EYS: variants seen among roughly 807,000 people sequenced by gnomAD.
The protein encoded by EYS is protein eyes shut homolog.
A neutral mutation model predicts 282.1 loss-of-function variants in EYS; 250 were observed. The ratio of observed to expected loss-of-function variants is 0.89; its 90% CI spans 0.80 to 0.98. The LOEUF (loss-of-function observed/expected upper bound fraction) is 0.98, where lower values mean the gene tolerates loss of function less well. Ranked by LOEUF, EYS falls within the 50% of genes least tolerant of loss-of-function variation. EYS has a pLI of 0.00. For missense variants in EYS, 4,016 were observed against 3,709.0 expected, an observed-to-expected ratio of 1.08 and a Z score of -2.15; for synonymous variants, 1,355 against 1,282.9, an observed-to-expected ratio of 1.06 and a Z score of -1.20.
intron 2 of EYS, among the ~76,000 whole-genome samples, chr6:65,505,741 G>A (rs951431396): frequency 3.2e-4 from 49 of 151,950 alleles, no homozygotes; most frequent in Middle Eastern, 3.4e-3. Context: ...TTTATTCCAC[G>A]TGGCATGGGG....
At chr6:63,863,831 A>G (rs1042755535) in intron 36 of EYS, among the ~76,000 whole-genome samples, 2 of 151,664 alleles carry the variant, frequency 1.3e-5, no homozygotes, top group Non-Finnish European at 2.9e-5. Context: ...GCATGCCACC[A>G]TGCCCGGCTA....
chr6:64,135,551 A>G (rs1310810699), intron 31 of EYS, among the ~76,000 whole-genome samples: 2 of 151,996 alleles, frequency 1.3e-5, no homozygotes, highest in African/African-American at 4.8e-5. Context: ...AACAAGATTA[A>G]TAGGACTTGG....
At chr6:64,067,566 G>A (rs186466929) in intron 32 of EYS, among the ~76,000 whole-genome samples, 1 of 152,178 alleles carries the variant, frequency 6.6e-6, no homozygotes, top group East Asian at 1.9e-4. Context: ...AATATCTTGA[G>A]AGACCATATT....
At chr6:64,886,106 T>A (rs556855197) in intron 19 of EYS, among the ~76,000 whole-genome samples, 2 of 151,916 alleles carry the variant, frequency 1.3e-5, no homozygotes, top group African/African-American at 4.8e-5. Context: ...TTAATACTAG[T>A]ATGCCAAAAC....
intron 1 of EYS, among the ~76,000 whole-genome samples, chr6:65,651,064 C>A (rs938634870): frequency 6.6e-6 from 1 of 151,724 alleles, no homozygotes; most frequent in Non-Finnish European, 1.5e-5. Flanking sequence ...ATATAAAAAC[C>A]TTTATTAATA....
At chr6:64,597,821 A>T (rs637284) in intron 24 of EYS, among the ~76,000 whole-genome samples, 18,567 of 152,122 alleles carry the variant, frequency 0.12, 1,174 homozygotes, top group East Asian at 0.16. Context: ...TGCCATATAG[A>T]CAGTCACGTA....
chr6:64,391,882 T>C (rs1773163568), intron 28 of EYS, among the ~76,000 whole-genome samples: 1 of 152,052 alleles, frequency 6.6e-6, no homozygotes, highest in South Asian at 2.1e-4. Flanking sequence ...AGAAAACCCA[T>C]CTCATGTGCA....
intron 14 of EYS, among the ~76,000 whole-genome samples, chr6:64,963,605 C>T (rs1769998402): frequency 6.6e-6 from 1 of 152,104 alleles, no homozygotes; most frequent in African/African-American, 2.4e-5. Flanking sequence ...TGGCCTATGG[C>T]TTGTTTTTGA....
chr6:64,466,020 T>G (rs551556033), intron 26 of EYS, among the ~76,000 whole-genome samples: 1 of 152,012 alleles, frequency 6.6e-6, no homozygotes, highest in African/African-American at 2.4e-5. Context: ...CACTAATCAG[T>G]AGAAAAACAT....
intron 11 of EYS, among the ~76,000 whole-genome samples, chr6:65,321,886 G>C (rs573887524): frequency 2.7e-4 from 41 of 152,280 alleles, no homozygotes; most frequent in Admixed American, 1.0e-3. Context: ...AGGAGAAAAG[G>C]CTTTAGTAAG....
chr6:65,168,297 G>C (rs533268950), intron 12 of EYS, among the ~76,000 whole-genome samples: 1 of 151,280 alleles, frequency 6.6e-6, no homozygotes, highest in Admixed American at 6.6e-5. Context: ...AAATAAGATG[G>C]CTTGAAATGG....
intron 41 of EYS, among the ~76,000 whole-genome samples, chr6:63,737,831 A>T (rs1195554951): frequency 6.6e-6 from 1 of 152,102 alleles, no homozygotes; most frequent in Non-Finnish European, 1.5e-5. Flanking sequence ...TTCGCAACCT[A>T]CTCATCTGAC....
intron 1 of EYS, among the ~76,000 whole-genome samples, chr6:65,697,420 C>A (rs1443852848): frequency 6.6e-6 from 1 of 152,044 alleles, no homozygotes. Context: ...GAGGTTTCAT[C>A]TTGCATTCTA....
chr6:64,467,909 T>C (rs1775979005), intron 26 of EYS, among the ~76,000 whole-genome samples: 2 of 152,100 alleles, frequency 1.3e-5, no homozygotes, highest in African/African-American at 4.8e-5. Flanking sequence ...CTGTCCAGCC[T>C]GTTAATGACA....
intron 8 of EYS, among the ~76,000 whole-genome samples, chr6:65,370,215 A>G (rs1438948234): frequency 1.5e-5 from 2 of 134,634 alleles, no homozygotes; most frequent in Non-Finnish European, 3.2e-5. Context: ...CCCTCCCTCC[A>G]TTTCTTTCTT....
At chr6:64,275,825 C>T (rs957423123) in intron 30 of EYS, among the ~76,000 whole-genome samples, 5 of 151,382 alleles carry the variant, frequency 3.3e-5, no homozygotes, top group Non-Finnish European at 7.4e-5. Flanking sequence ...AATAGCTGGG[C>T]GTGGTGGCGG....
At chr6:64,085,337 C>T (rs1161820540) in intron 31 of EYS, among the ~76,000 whole-genome samples, 2 of 129,490 alleles carry the variant, frequency 1.5e-5, no homozygotes, top group Admixed American at 7.5e-5. Flanking sequence ...CGCACGTGCG[C>T]GCGCACACAC....
At chr6:64,203,162 G>A (rs1364325023) in intron 31 of EYS, among the ~76,000 whole-genome samples, 2 of 152,200 alleles carry the variant, frequency 1.3e-5, no homozygotes, top group Admixed American at 1.3e-4. Context: ...AGGCAGAAAT[G>A]AGTGTCAAAA....
chr6:65,236,929 G>T (rs1766941038), intron 12 of EYS, among the ~76,000 whole-genome samples: 1 of 152,102 alleles, frequency 6.6e-6, no homozygotes, highest in South Asian at 2.1e-4. Context: ...TTATGTGAGT[G>T]TTCAAAAACA....
Sources: allele counts gnomAD v4.1 joint callset (sites outside exome capture counted in the v4.1 genomes callset), GRCh38; gene constraint gnomAD v4.1.1; transcripts MANE v1.5; gene names NCBI Gene and HGNC (gene_info 2026-07-23, HGNC 2026-07-21).